MYT1: variants seen among roughly 807,000 people sequenced by gnomAD.
The protein encoded by MYT1 is myelin transcription factor I.
Under a neutral mutation model 123.0 loss-of-function variants are expected in MYT1, and 23 were observed. That is an observed-to-expected ratio of 0.19 (90% CI 0.13 to 0.26). The LOEUF (loss-of-function observed/expected upper bound fraction) is 0.26. Among genes scored for constraint, MYT1 ranks in the 10% least tolerant of loss-of-function variants. The pLI, the probability that MYT1 is intolerant of heterozygous loss-of-function variation, is 1.00. For missense variants in MYT1, 1,125 were observed against 1,472.5 expected (o/e 0.76, Z 3.86); for synonymous variants, 518 against 575.3 (o/e 0.90, Z 1.43).
intron 13 of MYT1, among the ~76,000 whole-genome samples, 192 bp from the exon 14 acceptor site, chr20:64,221,701 C>T (rs1350948953): frequency 6.6e-6 from 1 of 152,142 alleles, no homozygotes; most frequent in South Asian, 2.1e-4. Flanking sequence ...AGGGATCCAG[C>T]CCCTCAGGGG....
rs201984889 is a variant in MYT1, at chr20:64,239,919, G to T, written c.3237+16G>T. The T allele has an allele frequency of 6.0e-5, 96 of 1,609,536 alleles. No individual in the cohort carries two copies. The African/African-American group carries it at 1.2e-3, about 20-fold the overall frequency. On this transcript the variant is annotated intron_variant, in intron 22 of 22. Coordinates refer to ENST00000328439, the MANE Select transcript of MYT1 (RefSeq NM_004535.3). ...TCCGCACATGGTAGGCAGCACGCGG[G>T]CCTGCCGGCACCACAGCTACCCCCC...
chr20:64,170,882 TATAGAG>T (rs1231762574), intron 1 of MYT1, among the ~76,000 whole-genome samples: 25 of 41,340 alleles, frequency 6.0e-4, no homozygotes, highest in East Asian at 9.8e-4. Flanking sequence ...TATATATATA[TATAGAG>T]AGAGAGAGAG....
intron 2 of MYT1, among the ~76,000 whole-genome samples, chr20:64,195,693 G>A (rs1289483610): frequency 6.6e-6 from 1 of 152,126 alleles, no homozygotes; most frequent in Non-Finnish European, 1.5e-5. Flanking sequence ...ACCGTGCCCA[G>A]CCAGAACCAT....
rs534824585 is a variant in MYT1, at chr20:64,191,217, A to G, written c.-1+1057A>G. On this transcript the variant is annotated intron_variant, in intron 2 of 22. Coordinates refer to ENST00000328439, the MANE Select transcript of MYT1 (RefSeq NM_004535.3). The surrounding 1 kb of genome is among the most constrained non-coding windows in gnomAD (Gnocchi z 4.1). Reference sequence around the variant, plus strand: ...TATTTCGATCTTCCTAAGGGGAGGCAGATGGTGCAAGCCCTTCTTATACCT... The same window carrying G: ...TATTTCGATCTTCCTAAGGGGAGGCGGATGGTGCAAGCCCTTCTTATACCT... Among the ~76,000 whole-genome samples the G allele has an allele frequency of 7.2e-5, 11 of 152,214 alleles. No homozygotes were observed. Among genetic ancestry groups the G allele is most frequent in the Non-Finnish European group, 1.6e-4 (11 of 68,032 alleles).
At chr20:64,199,808 T>C (rs570252860) in intron 3 of MYT1, 84 bp from the exon 4 acceptor site, 1 of 1,496,612 alleles carries the variant, frequency 6.7e-7, no homozygotes, top group East Asian at 2.3e-5. Flanking sequence ...CTCTCGGCTG[T>C]TTAACTTAGT....
intron 16 of MYT1, among the ~76,000 whole-genome samples, chr20:64,226,953 A>G (rs2273444): frequency 0.68 from 104,175 of 152,244 alleles, 38,120 homozygotes; most frequent in African/African-American, 0.93. Context: ...CTCCCAGCCC[A>G]TCCAAGAAGA....
In MYT1 at chr20:64,185,871, G is replaced by T. The variant is rs192827730; in HGVS notation, c.-98-4192G>T. On this transcript the variant is annotated intron_variant, in intron 1 of 22. Transcript: ENST00000328439. The surrounding 1 kb of genome is among the most constrained non-coding windows in gnomAD (Gnocchi z 4.5). ...GACGACAGAAGGAAACCTTGGGGTA[G>T]GCCAGCAGCACTTCCTGGGAAGAGC... is the stretch of plus-strand genomic sequence containing the variant. Among the ~76,000 whole-genome samples, 1 of 152,224 alleles carries T rather than the reference G, an allele frequency of 6.6e-6. No homozygotes were observed. Among genetic ancestry groups the T allele is most frequent in the Non-Finnish European group, 1.5e-5 (1 of 68,024 alleles).
chr20:64,199,780 C>T (rs944457799), intron 3 of MYT1, 112 bp from the exon 4 acceptor site: 2 of 1,254,380 alleles, frequency 1.6e-6, no homozygotes, highest in Admixed American at 1.7e-5. Context: ...GATTTGCCTC[C>T]ACTCGTCCTT....
At position 64,232,242 on chromosome 20, in the gene MYT1, A is replaced by G. The variant is rs749000002; in HGVS notation, c.2754A>G (p.Pro918=). ...CTCACAGGAGCGCATCCGGCTGCCC[A>G]CTGGCCGCCCGCAGGCAGAAGGAAG... ...YASHRSASGC[P]LAARRQKEGS... The change falls in exon 19 of 23, where the codon CCA becomes CCG. Residue 918 remains proline, a synonymous_variant. Transcript: ENST00000328439. This position sits in a 1 kb window ranked among gnomAD's most constrained non-coding sequence, Gnocchi z 6.9. The G allele has an allele frequency of 5.6e-6, 9 of 1,612,960 alleles. No individual in the cohort carries two copies. The African/African-American group carries it at 6.7e-5, about 12-fold the overall frequency.
chr20:64,227,579 C>A, intron 17 of MYT1, 102 bp downstream of exon 17: 1 of 1,042,980 alleles, frequency 9.6e-7, no homozygotes, highest in South Asian at 1.5e-5. Context: ...CAGCTAGAGT[C>A]CATTCCCATC....
Position 64,207,846 on chromosome 20 carries a change from A to T in MYT1, c.650A>T (p.Gln217Leu). ...SEEGEKGLFI[Q>L]PEDAEEVVEV... The stretch of plus-strand genomic sequence containing the variant: ...GAGGGTGAAAAGGGCCTCTTCATCC[A>T]GCCAGAGGATGCCGAGGAGGTCGTC... Residue 217 changes from glutamine to leucine, a missense_variant, in exon 7 of 23, where the codon CAG (glutamine) becomes CTG (leucine). Physicochemically the swap from Gln to Leu is moderately radical, Grantham distance 113. Coordinates refer to ENST00000328439, the MANE Select transcript of MYT1 (RefSeq NM_004535.3). 6.2e-7 allele frequency: 1 copy of T among 1,613,718 alleles called. No homozygotes were observed. Among genetic ancestry groups the T allele is most frequent in the South Asian group, 1.1e-5 (1 of 91,060 alleles).
chr20:64,227,273 G>A (rs557362789), intron 16 of MYT1, 142 bp from the exon 17 acceptor site: 8 of 668,980 alleles, frequency 1.2e-5, no homozygotes, highest in East Asian at 2.8e-5. Context: ...GAACATCGGC[G>A]ATGCTCCTCT....
chr20:64,238,482 T>A (rs1366030722), intron 21 of MYT1, among the ~76,000 whole-genome samples: 2 of 152,268 alleles, frequency 1.3e-5, no homozygotes, highest in African/African-American at 4.8e-5. Flanking sequence ...CAGGCTCACG[T>A]TGACCGCTTG....
rs1568710725 is a variant in MYT1 at position 64,207,970 on chromosome 20, AGAG to A, written c.780_782del (p.Glu260del). On this transcript the variant is annotated inframe_deletion, in exon 7 of 23. Transcript: ENST00000328439. ...AGCAGAAAGGCATCCTGAGTCACGAAGAGGAGGACGAGGAGGAGGAGGAGGAGG... is the reference window on the plus strand; with the variant it reads ...AGCAGAAAGGCATCCTGAGTCACGAAGAGGACGAGGAGGAGGAGGAGGAGG... The A allele has an allele frequency of 1.9e-6, 3 of 1,605,812 alleles. No individual in the cohort carries two copies. In the South Asian group the frequency reaches 3.3e-5, roughly 18 times the overall value.
chr20:64,233,215 C>CCCCTCTCCTT (rs1984382163), intron 19 of MYT1, among the ~76,000 whole-genome samples: 1 of 99,104 alleles, frequency 1.0e-5, no homozygotes, highest in Non-Finnish European at 2.1e-5. Context: ...CCCTATCCCT[C>CCCCTCTCCTT]CCCCTTTCCT....
At position 64,222,006 on chromosome 20, in the gene MYT1, G is replaced by T; in HGVS notation, c.2355G>T (p.Lys785Asn). The T allele has an allele frequency of 6.2e-7, 1 of 1,613,370 alleles. No homozygotes were observed. The highest frequency in any genetic ancestry group is 1.1e-5 in the South Asian group (1 of 91,030). The part of the protein sequence containing the change: ...YPGEVTLTNF[K>N]LKFLSKDIKK... Reference sequence around the variant, plus strand: ...GGGAAGTCACCCTGACCAACTTTAAGCTGAAGTTTCTCTCCAAGGACATAA... The same window carrying T: ...GGGAAGTCACCCTGACCAACTTTAATCTGAAGTTTCTCTCCAAGGACATAA... The change falls in exon 14 of 23, where the codon AAG (lysine) becomes AAT (asparagine). Residue 785 changes from lysine (K) to asparagine (N), a missense_variant. Around this residue, in one of 4 missense-constraint regions of MYT1, gnomAD observed 429 missense variants for 604.1 expected, o/e 0.71. Coordinates refer to ENST00000328439, the MANE Select transcript of MYT1 (RefSeq NM_004535.3).
chr20:64,227,430 C>G lies in MYT1; in HGVS notation c.2544C>G (p.Gly848=). ...CCCTCTGCAGGTGCCCCACGCCCGG[C>G]TGTGACGGCTCTGGCCACATCACAG... ...HSADLKCPTP[G]CDGSGHITGN... The change falls in exon 17 of 23, where the codon GGC becomes GGG. Residue 848 remains glycine (G), a synonymous_variant. Coordinates refer to ENST00000328439, the MANE Select transcript of MYT1 (RefSeq NM_004535.3). 1.2e-6 allele frequency: 2 copies of G among 1,612,790 alleles called. No individual in the cohort carries two copies. Among genetic ancestry groups the G allele is most frequent in the East Asian group, 4.5e-5 (2 of 44,876 alleles).
Position 64,240,451 on chromosome 20 carries a change from C to T in MYT1, c.*3C>T, listed in dbSNP as rs376149446. ...CTGTGAGGGGCATCCAGGTCTAGGC[C>T]GTGTGGTACCCAGAAGTGTCCCAGC... On this transcript the variant is annotated 3_prime_UTR_variant, in exon 23 of 23. Transcript: ENST00000328439. 28 of 1,611,362 alleles carry T rather than the reference C, an allele frequency of 1.7e-5. No homozygotes were observed. The highest frequency in any genetic ancestry group is 6.7e-5 in the African/African-American group (5 of 74,884).
rs1362578761 is a variant in MYT1 at position 64,223,291 on chromosome 20, C to A, written c.2460C>A (p.Ser820Arg). The A allele has an allele frequency of 1.2e-6, 2 of 1,614,190 alleles. No homozygotes were observed. Among genetic ancestry groups the A allele is most frequent in the Non-Finnish European group, 1.7e-6 (2 of 1,180,030 alleles). ...CAATATCCCATCTCTTCTCTTTCAG[C>A]CTCTCTGGTTGCCCTCTTGCTGACA... ...HITGNYASHRSLSGCPLADKS... is the reference protein window; with the variant it reads ...HITGNYASHRRLSGCPLADKS... The change falls in exon 16 of 23, where the codon AGC becomes AGA. Residue 820 changes from serine to arginine, a missense_variant and splice_region_variant. Ser to Arg is a moderately radical substitution (Grantham distance 110, BLOSUM62 -1). This residue lies in a region of MYT1 where 47 missense variants were observed against 113.1 expected (regional missense o/e 0.42). Transcript: ENST00000328439.
Sources: gnomAD v4.1 joint callset for allele counts (sites outside exome capture counted in the v4.1 genomes callset) on GRCh38, gnomAD v4.1.1 for gene constraint, gnomAD v4.1.1 regional missense constraint, Gnocchi (gnomAD v3.1) non-coding constraint, MANE v1.5 for transcripts, NCBI Gene and HGNC (gene_info 2026-07-23, HGNC 2026-07-21) for gene names.